Variants in ATP8A2 observed in about 807,000 individuals in gnomAD.
ATP8A2 encodes the protein ATPase phospholipid transporting 8A2.
A neutral mutation model predicts 165.6 loss-of-function variants in ATP8A2; 100 were observed. The observed-to-expected ratio is 0.60, with a 90% CI of 0.51 to 0.71. The LOEUF (loss-of-function observed/expected upper bound fraction) is 0.71. ATP8A2 is among the 30% of genes least tolerant of loss of function. The probability of loss-of-function intolerance (pLI) is 0.00; values close to 1 mark genes in which losing one functional copy is unlikely to be tolerated. For missense variants in ATP8A2, 1,227 were observed against 1,479.5 expected (o/e 0.83, Z 2.80); for synonymous variants, 543 against 548.8 (o/e 0.99, Z 0.15).
intron 27 of ATP8A2, among the ~76,000 whole-genome samples, chr13:25,784,981 T>G (rs2138373420): frequency 6.6e-6 from 1 of 151,708 alleles, no homozygotes; most frequent in South Asian, 2.1e-4. Context: ...GTCAGGCTGG[T>G]CTCAAACTCC....
chr13:25,692,073 A>T lies in ATP8A2; in HGVS notation c.2212-7100A>T, dbSNP rs926032791. Among the ~76,000 whole-genome samples the T allele has an allele frequency of 2.6e-5, 4 of 152,184 alleles. No homozygotes were observed. The East Asian group carries it at 5.8e-4, about 22-fold the overall frequency. ...GGTGTGAGAGGCTGGGCAGGGAACGATCTGAAGAATGGGGGAGGGCGATGG... is the reference window on the plus strand; with the variant it reads ...GGTGTGAGAGGCTGGGCAGGGAACGTTCTGAAGAATGGGGGAGGGCGATGG... On this transcript the variant is annotated intron_variant, in intron 24 of 36. Coordinates refer to ENST00000381655, the MANE Select transcript of ATP8A2 (RefSeq NM_016529.6).
intron 30 of ATP8A2, among the ~76,000 whole-genome samples, chr13:25,859,276 G>C (rs534142413): frequency 6.6e-6 from 1 of 152,074 alleles, no homozygotes; most frequent in South Asian, 2.1e-4. Flanking sequence ...TACTACCTGG[G>C]TGTCAGAGTC....
chr13:25,577,103 C>T lies in ATP8A2; in HGVS notation c.1747C>T (p.Pro583Ser). 4 of 1,613,886 alleles carry T rather than the reference C, an allele frequency of 2.5e-6. No homozygotes were observed. The highest frequency in any genetic ancestry group is 2.5e-6 in the Non-Finnish European group (3 of 1,179,908). The change falls in exon 20 of 37, where the codon CCT (proline) becomes TCT (serine). Residue 583 changes from proline (P) to serine (S), a missense_variant. Transcript: ENST00000381655. ...AAGAATGTCTGTAATTGTTCGAACT[C>T]CTTCAGGACGACTTCGGCTTTACTG... is the stretch of plus-strand genomic sequence containing the variant. ...RKRMSVIVRT[P>S]SGRLRLYCKG...
chr13:25,557,779 AT>A (rs2039023886), intron 13 of ATP8A2, among the ~76,000 whole-genome samples: 1 of 152,220 alleles, frequency 6.6e-6, no homozygotes, highest in Non-Finnish European at 1.5e-5. Context: ...GTTCATCCTA[AT>A]TGAGGATATG....
Position 25,968,560 on chromosome 13 carries a change from T to C in ATP8A2, c.3273-15T>C. 6.2e-7 allele frequency: 1 copy of C among 1,610,540 alleles called. No homozygotes were observed. Among genetic ancestry groups the C allele is most frequent in the South Asian group, 1.1e-5 (1 of 89,882 alleles). ...CTCTATGCCATGTTCGTTTTGTCTT[T>C]TCCTCATAACACAGAGCCAAGCACA... On this transcript the variant is annotated splice_polypyrimidine_tract_variant and intron_variant, in intron 34 of 36. Coordinates refer to ENST00000381655, the MANE Select transcript of ATP8A2 (RefSeq NM_016529.6).
At chr13:25,540,109 A>G (rs1303403440) in intron 7 of ATP8A2, among the ~76,000 whole-genome samples, 1 of 152,238 alleles carries the variant, frequency 6.6e-6, no homozygotes, top group African/African-American at 2.4e-5. Flanking sequence ...AAGGCAGATC[A>G]TCTGGGCAAA....
At chr13:25,422,939 G>T (rs1314023926) in intron 1 of ATP8A2, among the ~76,000 whole-genome samples, 1 of 152,174 alleles carries the variant, frequency 6.6e-6, no homozygotes, top group African/African-American at 2.4e-5. Flanking sequence ...GCAGTTTTTG[G>T]TAATAGTTTT....
chr13:25,724,213 C>T (rs2043446064), intron 25 of ATP8A2, among the ~76,000 whole-genome samples: 1 of 152,198 alleles, frequency 6.6e-6, no homozygotes, highest in Non-Finnish European at 1.5e-5. Flanking sequence ...AAAACTAATG[C>T]ATTCATGTGG....
chr13:25,428,979 T>C (rs1358680909), intron 1 of ATP8A2, among the ~76,000 whole-genome samples: 1 of 152,084 alleles, frequency 6.6e-6, no homozygotes, highest in East Asian at 1.9e-4. Context: ...CTGGTGACAC[T>C]GCTCCAGGCC....
chr13:25,486,744 C>T (rs1418081890), intron 2 of ATP8A2, among the ~76,000 whole-genome samples: 2 of 152,136 alleles, frequency 1.3e-5, no homozygotes, highest in Admixed American at 1.3e-4. Flanking sequence ...GCAGGTGCTT[C>T]GCCTGAGCTC....
chr13:25,660,067 C>A (rs568622540), intron 24 of ATP8A2, among the ~76,000 whole-genome samples: 1 of 152,234 alleles, frequency 6.6e-6, no homozygotes, highest in African/African-American at 2.4e-5. Flanking sequence ...CTATCAGGCC[C>A]TTTATGTTGG....
intron 27 of ATP8A2, among the ~76,000 whole-genome samples, chr13:25,780,762 T>C (rs2138351653): frequency 6.6e-6 from 1 of 151,970 alleles, no homozygotes; most frequent in Non-Finnish European, 1.5e-5. Flanking sequence ...CATGCGTGTT[T>C]TACAATAGGG....
At chr13:25,525,934 A>G (rs1566221022) in intron 2 of ATP8A2, among the ~76,000 whole-genome samples, 1 of 152,062 alleles carries the variant, frequency 6.6e-6, no homozygotes, top group South Asian at 2.1e-4. Flanking sequence ...AACACCAGTG[A>G]TTCTTAGACT....
chr13:25,597,781 T>A (rs1391401947), intron 24 of ATP8A2, among the ~76,000 whole-genome samples: 1 of 152,206 alleles, frequency 6.6e-6, no homozygotes, highest in African/African-American at 2.4e-5. Context: ...TATTCTACGT[T>A]GCTAAATTTC....
chr13:25,491,569 G>A (rs913586874), intron 2 of ATP8A2, among the ~76,000 whole-genome samples: 7 of 152,200 alleles, frequency 4.6e-5, no homozygotes, highest in South Asian at 2.1e-4. Flanking sequence ...ACAGTACAGC[G>A]TTTATAAACA....
At chr13:25,811,812 G>T (rs1950878011) in intron 27 of ATP8A2, among the ~76,000 whole-genome samples, 1 of 152,186 alleles carries the variant, frequency 6.6e-6, no homozygotes, top group Non-Finnish European at 1.5e-5. Context: ...AGTAAGCAAT[G>T]ATTGTGCCAC....
chr13:25,427,123 G>A (rs2034472629), intron 1 of ATP8A2, among the ~76,000 whole-genome samples: 1 of 152,156 alleles, frequency 6.6e-6, no homozygotes, highest in Non-Finnish European at 1.5e-5. Flanking sequence ...TGCAGAGCAG[G>A]AAGTGAGCAG....
At chr13:25,981,766 C>G (rs2139258296) in intron 35 of ATP8A2, among the ~76,000 whole-genome samples, 1 of 152,180 alleles carries the variant, frequency 6.6e-6, no homozygotes. Context: ...TCAATTTAGT[C>G]ACAAAATACA....
chr13:25,652,216 A>T (rs1222674013), intron 24 of ATP8A2, among the ~76,000 whole-genome samples: 2 of 152,230 alleles, frequency 1.3e-5, no homozygotes, highest in African/African-American at 4.8e-5. Flanking sequence ...ACAGTTCTTG[A>T]TGCACAATCA....
Sources: allele counts gnomAD v4.1 joint callset (sites outside exome capture counted in the v4.1 genomes callset), GRCh38; gene constraint gnomAD v4.1.1; transcripts MANE v1.5; gene names NCBI Gene and HGNC (gene_info 2026-07-23, HGNC 2026-07-21).